TJP1: variants seen among roughly 807,000 people sequenced by gnomAD.
TJP1 encodes tight junction protein 1.
Under a neutral mutation model 194.2 loss-of-function variants are expected in TJP1, and 43 were observed. The ratio of observed to expected loss-of-function variants is 0.22; its 90% CI spans 0.17 to 0.29. The LOEUF (loss-of-function observed/expected upper bound fraction) is 0.29. Among genes scored for constraint, TJP1 ranks in the 10% least tolerant of loss-of-function variants. The pLI is 1.00. For missense variants in TJP1, 1,971 were observed against 2,185.7 expected, an observed-to-expected ratio of 0.90 and a Z score of 1.96; for synonymous variants, 801 against 779.0, an observed-to-expected ratio of 1.03 and a Z score of -0.47.
intron 25 of TJP1, among the ~76,000 whole-genome samples, chr15:29,706,509 A>G (rs2041909273): frequency 6.6e-6 from 1 of 152,152 alleles, no homozygotes; most frequent in South Asian, 2.1e-4. Flanking sequence ...TCCAAAATCC[A>G]AAAAAACCCA....
intron 2 of TJP1, 117 bp downstream of exon 2, chr15:29,800,529 A>G: frequency 2.2e-6 from 2 of 890,878 alleles, no homozygotes; most frequent in Non-Finnish European, 3.5e-6. Flanking sequence ...AAACAAAAGA[A>G]TATAGAAAAA....
rs569413323 is a variant in TJP1, at chr15:29,720,930, C to T, written c.2413-222G>A. 1.2e-3 allele frequency among the ~76,000 whole-genome samples: 186 copies of T among 152,146 alleles called. 1 individual carries two copies. Among genetic ancestry groups the T allele is most frequent in the African/African-American group, 4.4e-3 (181 of 41,524 alleles). ...GGGCATGGATGAAGGAAACAGTGGC[C>T]GGTAAGCCAGGACAAAGTTAGACTC... On this transcript the variant is annotated intron_variant, in intron 18 of 27. Coordinates refer to ENST00000614355, the MANE Select transcript of TJP1 (RefSeq NM_001330239.4).
intron 2 of TJP1, among the ~76,000 whole-genome samples, chr15:29,892,388 T>A (rs1023535781): frequency 6.6e-6 from 1 of 152,222 alleles, no homozygotes; most frequent in Admixed American, 6.5e-5. Flanking sequence ...CAGCAAGTTA[T>A]CCAGAAGATC....
At chr15:29,877,467 C>T (rs956516218) in intron 2 of TJP1, among the ~76,000 whole-genome samples, 4 of 152,140 alleles carry the variant, frequency 2.6e-5, no homozygotes, top group African/African-American at 9.7e-5. Context: ...TCTTCCCCAC[C>T]GCCTTGGCCT....
At chr15:29,769,020 AT>A (rs1296474907) in intron 4 of TJP1, among the ~76,000 whole-genome samples, 3 of 152,244 alleles carry the variant, frequency 2.0e-5, no homozygotes, top group African/African-American at 7.2e-5. Flanking sequence ...ACATGACAAA[AT>A]AAAAATGAAA....
chr15:29,808,167 C>T (rs2049233914), intron 1 of TJP1, among the ~76,000 whole-genome samples: 3 of 152,170 alleles, frequency 2.0e-5, no homozygotes, highest in Admixed American at 1.3e-4. Context: ...ACTTGGGAGG[C>T]TGAGGCACGA....
intron 2 of TJP1, among the ~76,000 whole-genome samples, chr15:29,783,037 G>A (rs989251917): frequency 1.3e-5 from 2 of 152,142 alleles, no homozygotes; most frequent in African/African-American, 4.8e-5. Context: ...ACTTTGGGAG[G>A]CTGAGGCTGG....
At chr15:29,939,065 G>C (rs913668954) in intron 2 of TJP1, among the ~76,000 whole-genome samples, 3 of 152,196 alleles carry the variant, frequency 2.0e-5, no homozygotes, top group African/African-American at 7.2e-5. Flanking sequence ...CAGTGTCTTG[G>C]ACAATGTGAA....
upstream of TJP1, chr15:29,822,780 C>G (rs2050510697): frequency 6.6e-6 from 1 of 152,344 alleles, no homozygotes; most frequent in Admixed American, 6.5e-5. Context: ...CCTCGACAAG[C>G]CACGCACATC....
At chr15:29,856,333 A>G (rs2051850001) in intron 2 of TJP1, among the ~76,000 whole-genome samples, 1 of 152,190 alleles carries the variant, frequency 6.6e-6, no homozygotes, top group Admixed American at 6.5e-5. Context: ...ACATTCTACT[A>G]AGTGAAAGAA....
intron 10 of TJP1, among the ~76,000 whole-genome samples, chr15:29,739,496 T>G (rs1295268599): frequency 6.6e-6 from 1 of 152,142 alleles, no homozygotes; most frequent in Non-Finnish European, 1.5e-5. Context: ...CAGGCTGGAG[T>G]GCAGTGGCGC....
At chr15:29,815,889 G>A (rs970983649) in intron 1 of TJP1, among the ~76,000 whole-genome samples, 1 of 152,058 alleles carries the variant, frequency 6.6e-6, no homozygotes, top group African/African-American at 2.4e-5. Context: ...GATTGGAGGG[G>A]AAAAAGGGAG....
chr15:29,747,836 G>A (rs1239263835), intron 8 of TJP1, among the ~76,000 whole-genome samples: 1 of 152,106 alleles, frequency 6.6e-6, no homozygotes, highest in African/African-American at 2.4e-5. Context: ...AAACTTCTGG[G>A]AGTATTTTTA....
intron 2 of TJP1, among the ~76,000 whole-genome samples, chr15:29,874,889 C>T (rs1673221018): frequency 6.6e-6 from 1 of 152,152 alleles, no homozygotes; most frequent in Non-Finnish European, 1.5e-5. Flanking sequence ...TAGGACCATT[C>T]AGGTAAATAC....
At chr15:29,831,139 T>A (rs117316652) in intron 2 of TJP1, among the ~76,000 whole-genome samples, 4,021 of 152,318 alleles carry the variant, frequency 0.026, 86 homozygotes, top group Non-Finnish European at 0.041. Flanking sequence ...CTCTGTAAGC[T>A]GTCAATTAAA....
chr15:29,837,027 C>A (rs770811766), intron 2 of TJP1, among the ~76,000 whole-genome samples: 25 of 152,320 alleles, frequency 1.6e-4, no homozygotes, highest in Non-Finnish European at 2.9e-4. Flanking sequence ...GCTATAGCAA[C>A]ACAAATGGAC....
At chr15:29,912,942 A>G (rs1015205342) in intron 2 of TJP1, among the ~76,000 whole-genome samples, 3 of 152,244 alleles carry the variant, frequency 2.0e-5, no homozygotes, top group Non-Finnish European at 4.4e-5. Flanking sequence ...TCAGGCAGAC[A>G]GTTCTGCAGG....
chr15:29,827,203 T>G (rs1275826487), upstream of TJP1, among the ~76,000 whole-genome samples: 1 of 152,202 alleles, frequency 6.6e-6, no homozygotes, highest in East Asian at 1.9e-4. Context: ...GATCCAGTCA[T>G]GGAGGTTTAA....
chr15:29,759,091 TA>T (rs2045832584), intron 8 of TJP1: 1 of 152,216 alleles, frequency 6.6e-6, no homozygotes, highest in African/African-American at 2.4e-5. Context: ...TTACAAACTT[TA>T]AAAAAGCTCT....
Sources: allele counts gnomAD v4.1 joint callset (sites outside exome capture counted in the v4.1 genomes callset), GRCh38; gene constraint gnomAD v4.1.1; transcripts MANE v1.5; gene names NCBI Gene and HGNC (gene_info 2026-07-23, HGNC 2026-07-21).